The following KCNIP4 variants were observed in gnomAD, a reference collection of about 807,000 sequenced individuals.
KCNIP4 encodes potassium voltage-gated channel interacting protein 4, also known as Kv channel-interacting protein 4.
KCNIP4 carries 12 observed loss-of-function variants against 34.0 expected under a neutral mutation model. That is an observed-to-expected ratio of 0.35 (90% CI 0.23 to 0.57). The LOEUF is 0.57. Among genes scored for constraint, KCNIP4 ranks in the 20% least tolerant of loss-of-function variants. The probability of loss-of-function intolerance (pLI) is 0.83; values close to 1 mark genes in which losing one functional copy is unlikely to be tolerated. For missense variants in KCNIP4, 238 were observed against 311.7 expected (o/e 0.76, Z 1.78); for synonymous variants, 124 against 102.2 (o/e 1.21, Z -1.29).
At chr4:21,626,865 A>AT (rs893160307) in intron 1 of KCNIP4, among the ~76,000 whole-genome samples, 13 of 149,316 alleles carry the variant, frequency 8.7e-5, no homozygotes, top group Middle Eastern at 4.1e-3. Context: ...ACTGAGTTCC[A>AT]TTTTTTTTTT....
intron 1 of KCNIP4, among the ~76,000 whole-genome samples, chr4:21,786,169 G>T (rs375146851): frequency 1.3e-5 from 2 of 152,106 alleles, no homozygotes; most frequent in East Asian, 1.9e-4. Flanking sequence ...GGATGGTCTC[G>T]ATCTGTTGAC....
chr4:21,701,630 T>C (rs1166234545), intron 1 of KCNIP4, among the ~76,000 whole-genome samples: 3 of 152,206 alleles, frequency 2.0e-5, no homozygotes, highest in Non-Finnish European at 4.4e-5. Context: ...GCTTTAGATA[T>C]ATTAGAATGT....
chr4:21,591,836 A>T (rs1742246777), intron 1 of KCNIP4, among the ~76,000 whole-genome samples: 1 of 152,180 alleles, frequency 6.6e-6, no homozygotes, highest in African/African-American at 2.4e-5. Context: ...AGCAGACTGC[A>T]CTAAAATATT....
At chr4:21,801,906 G>GA (rs201714846) in intron 1 of KCNIP4, among the ~76,000 whole-genome samples, 32 of 148,054 alleles carry the variant, frequency 2.2e-4, no homozygotes, top group African/African-American at 4.2e-4. Flanking sequence ...AAGTCATCAA[G>GA]AAAAAAAAAT....
At chr4:21,057,417 C>A in intron 1 of KCNIP4, among the ~76,000 whole-genome samples, 1 of 152,198 alleles carries the variant, frequency 6.6e-6, no homozygotes, top group South Asian at 2.1e-4. Flanking sequence ...TGAAGGAAAC[C>A]TTTGTTAGCC....
chr4:21,061,243 C>A (rs7688242), intron 1 of KCNIP4, among the ~76,000 whole-genome samples: 4 of 151,882 alleles, frequency 2.6e-5, no homozygotes, highest in African/African-American at 9.7e-5. Context: ...ATATTCGGAG[C>A]TTTAAATATA....
intron 1 of KCNIP4, among the ~76,000 whole-genome samples, chr4:21,327,378 T>C (rs989206508): frequency 5.9e-5 from 9 of 152,172 alleles, no homozygotes; most frequent in Admixed American, 5.9e-4. Context: ...CAATCTCTCC[T>C]GTCTTTTAAG....
chr4:21,809,842 T>C (rs984398743), intron 1 of KCNIP4, among the ~76,000 whole-genome samples: 1 of 152,228 alleles, frequency 6.6e-6, no homozygotes, highest in Non-Finnish European at 1.5e-5. Context: ...GTCAGACTTA[T>C]ATTAGCCTTT....
chr4:21,337,413 C>A (rs34305453), intron 1 of KCNIP4, among the ~76,000 whole-genome samples: 3,871 of 152,192 alleles, frequency 0.025, 199 homozygotes, highest in East Asian at 0.19. Flanking sequence ...CAGGGCTGTT[C>A]AGGGGGTTTG....
At chr4:20,927,052 C>T (rs933277997) in intron 1 of KCNIP4, among the ~76,000 whole-genome samples, 3 of 150,944 alleles carry the variant, frequency 2.0e-5, no homozygotes, top group Admixed American at 2.0e-4. Flanking sequence ...GATCTCGGCT[C>T]ACTGCAACCT....
intron 1 of KCNIP4, among the ~76,000 whole-genome samples, chr4:21,496,754 T>C (rs1214484462): frequency 6.6e-6 from 1 of 152,170 alleles, no homozygotes; most frequent in African/African-American, 2.4e-5. Flanking sequence ...CTGTCAGATC[T>C]GGGTGGCATT....
At chr4:21,787,547 T>C (rs1305305108) in intron 1 of KCNIP4, among the ~76,000 whole-genome samples, 1 of 152,202 alleles carries the variant, frequency 6.6e-6, no homozygotes, top group African/African-American at 2.4e-5. Flanking sequence ...GTTATTATTA[T>C]CCTAATTTTA....
intron 1 of KCNIP4, among the ~76,000 whole-genome samples, chr4:21,174,721 A>G (rs1375385257): frequency 6.6e-6 from 1 of 152,150 alleles, no homozygotes; most frequent in Middle Eastern, 3.4e-3. Context: ...CCTGGCCAAC[A>G]TGGTGAAACC....
intron 1 of KCNIP4, among the ~76,000 whole-genome samples, chr4:21,322,675 A>C (rs1466480545): frequency 6.6e-6 from 1 of 152,088 alleles, no homozygotes; most frequent in Non-Finnish European, 1.5e-5. Flanking sequence ...CACTTCATTT[A>C]AGTGAATCCG....
At chr4:21,658,028 C>T (rs964059110) in intron 1 of KCNIP4, among the ~76,000 whole-genome samples, 10 of 151,928 alleles carry the variant, frequency 6.6e-5, no homozygotes, top group Non-Finnish European at 1.5e-4. Context: ...TGAGTAGAGA[C>T]GAGGTTTCAC....
intron 1 of KCNIP4, among the ~76,000 whole-genome samples, chr4:21,055,159 T>C (rs1743294465): frequency 1.3e-5 from 2 of 152,118 alleles, no homozygotes; most frequent in Admixed American, 6.6e-5. Flanking sequence ...AAATAGCATA[T>C]GAAAAGATGC....
At chr4:20,731,862 G>A (rs1210542975) in intron 8 of KCNIP4, 144 bp downstream of exon 8, 6 of 1,422,992 alleles carry the variant, frequency 4.2e-6, no homozygotes, top group Middle Eastern at 2.6e-4. Context: ...TTTCAGAGTG[G>A]TAGGCTTATG....
intron 1 of KCNIP4, among the ~76,000 whole-genome samples, chr4:21,002,201 T>G (rs1298212061): frequency 9.9e-5 from 15 of 152,230 alleles, no homozygotes; most frequent in Admixed American, 9.8e-4. Flanking sequence ...GTACAAAAGC[T>G]GCCTGGTTTT....
chr4:21,381,170 A>G (rs1197100342), intron 1 of KCNIP4, among the ~76,000 whole-genome samples: 1 of 152,156 alleles, frequency 6.6e-6, no homozygotes, highest in African/African-American at 2.4e-5. Context: ...ACGAGATGTC[A>G]TTTCTTCCAG....
Sources: gnomAD v4.1 joint callset for allele counts (sites outside exome capture counted in the v4.1 genomes callset) on GRCh38, gnomAD v4.1.1 for gene constraint, MANE v1.5 for transcripts, NCBI Gene and HGNC (gene_info 2026-07-23, HGNC 2026-07-21) for gene names.